LIPK: variants seen among roughly 807,000 people sequenced by gnomAD.
The protein encoded by LIPK is lipase member K.
A neutral mutation model predicts 48.6 loss-of-function variants in LIPK; 32 were observed. That is an observed-to-expected ratio of 0.66 (90% CI 0.50 to 0.88). The LOEUF is 0.88. Ranked by LOEUF, LIPK falls within the 40% of genes least tolerant of loss-of-function variation. The pLI is 0.00. For missense variants in LIPK, 507 were observed against 478.5 expected (o/e 1.06, Z -0.56); for synonymous variants, 164 against 157.4 (o/e 1.04, Z -0.32).
intron 5 of LIPK, 55 bp downstream of exon 5, chr10:88,732,342 C>T: frequency 6.3e-7 from 1 of 1,589,448 alleles, no homozygotes; most frequent in Non-Finnish European, 8.6e-7. Context: ...TTCCATATGG[C>T]TACATTTACT....
At chr10:88,723,787 A>G (rs750882808) in intron 1 of LIPK, among the ~76,000 whole-genome samples, 3 of 151,542 alleles carry the variant, frequency 2.0e-5, no homozygotes, top group Admixed American at 6.6e-5. Flanking sequence ...TTTTTTTTCT[A>G]TTATGGTTTG....
intron 8 of LIPK, among the ~76,000 whole-genome samples, chr10:88,742,754 C>CT (rs570900562): frequency 3.2e-4 from 38 of 119,238 alleles, no homozygotes; most frequent in Admixed American, 1.4e-3. Context: ...GTGAATATTT[C>CT]TTTTAATAGT....
At position 88,730,878 on chromosome 10, in the gene LIPK, T is replaced by C; in HGVS notation, c.224-105T>C. On this transcript the variant is annotated intron_variant, in intron 3 of 9. Transcript: ENST00000404190. ...CCCAGGTTTGCCTGGCATCAAATTT[T>C]ATCTCTTAACCTTTCTTTTATACTA... The C allele has an allele frequency of 3.7e-6, 4 of 1,067,042 alleles. No individual in the cohort carries two copies. The South Asian group carries it at 6.8e-5, about 18-fold the overall frequency. 66.1% of individuals were successfully genotyped at this position (1,067,042 alleles called of 1,614,324 possible).
intron 3 of LIPK, among the ~76,000 whole-genome samples, chr10:88,730,397 T>C (rs1467163898): frequency 6.6e-6 from 1 of 152,006 alleles, no homozygotes; most frequent in Non-Finnish European, 1.5e-5. Context: ...TCACGCCATT[T>C]TCCTGCCTCA....
chr10:88,725,264 T>C (rs1590139680), intron 2 of LIPK, among the ~76,000 whole-genome samples: 1 of 152,332 alleles, frequency 6.6e-6, no homozygotes, highest in African/African-American at 2.4e-5. Flanking sequence ...TTAGTATCTC[T>C]TCTTGTTCCT....
At chr10:88,728,116 T>C in intron 3 of LIPK, 1 of 268,670 alleles carries the variant, frequency 3.7e-6, no homozygotes. Context: ...AAGAAGGATG[T>C]GGTTAAAGCT....
chr10:88,711,075 G>A (rs1842017891), intron 1 of LIPK, among the ~76,000 whole-genome samples: 1 of 152,050 alleles, frequency 6.6e-6, no homozygotes, highest in South Asian at 2.1e-4. Context: ...CTTTTCTTGT[G>A]TTTATTGACC....
At chr10:88,749,388 CA>C (rs1842825438) in intron 9 of LIPK, among the ~76,000 whole-genome samples, 1 of 152,192 alleles carries the variant, frequency 6.6e-6, no homozygotes, top group Admixed American at 6.5e-5. Context: ...GTAACCAAAA[CA>C]GCATGGTATT....
intron 7 of LIPK, among the ~76,000 whole-genome samples, chr10:88,738,788 G>T (rs1319801433): frequency 1.3e-5 from 2 of 152,134 alleles, no homozygotes; most frequent in Non-Finnish European, 2.9e-5. Flanking sequence ...GACACCTTTT[G>T]TCAGATCACC....
chr10:88,724,429 T>G (rs1391297309), intron 1 of LIPK, 104 bp from the exon 2 acceptor site: 2 of 685,400 alleles, frequency 2.9e-6, no homozygotes, highest in African/African-American at 3.7e-5. Context: ...AGCCTAGAAG[T>G]ATGTTTCTGC....
intron 9 of LIPK, among the ~76,000 whole-genome samples, chr10:88,750,649 G>A (rs1359844360): frequency 1.3e-5 from 2 of 152,126 alleles, no homozygotes; most frequent in African/African-American, 4.8e-5. Context: ...GGGCCTACTT[G>A]AGGGTGGAGG....
chr10:88,725,414 G>A (rs1291353889), intron 2 of LIPK, among the ~76,000 whole-genome samples: 1 of 152,118 alleles, frequency 6.6e-6, no homozygotes, highest in Non-Finnish European at 1.5e-5. Context: ...AAGCATTTAT[G>A]TTAGGCATTA....
At chr10:88,717,817 A>G (rs1842148052) in intron 1 of LIPK, among the ~76,000 whole-genome samples, 2 of 152,108 alleles carry the variant, frequency 1.3e-5, no homozygotes, top group African/African-American at 4.8e-5. Flanking sequence ...TTGCTCAAAC[A>G]TAGCTTATTA....
intron 3 of LIPK, chr10:88,728,156 G>A (rs1038352299): frequency 9.7e-6 from 2 of 205,600 alleles, no homozygotes; most frequent in Admixed American, 5.6e-5. Flanking sequence ...AAGTAGTCTC[G>A]CCTAAAAGGG....
chr10:88,749,277 C>G (rs1842823908), intron 9 of LIPK, among the ~76,000 whole-genome samples: 1 of 152,118 alleles, frequency 6.6e-6, no homozygotes, highest in Admixed American at 6.6e-5. Flanking sequence ...TTTTAAAATT[C>G]ATATGAAACC....
intron 1 of LIPK, among the ~76,000 whole-genome samples, chr10:88,722,022 G>T (rs1304478589): frequency 1.3e-5 from 2 of 152,214 alleles, no homozygotes; most frequent in African/African-American, 4.8e-5. Context: ...ACATGGCCAG[G>T]TGCGGTGGCT....
chr10:88,735,884 T>G (rs1416180945), intron 6 of LIPK, among the ~76,000 whole-genome samples: 1 of 152,210 alleles, frequency 6.6e-6, no homozygotes, highest in Non-Finnish European at 1.5e-5. Context: ...TTATTCACCT[T>G]TGAGTAAATG....
rs749687565 is a variant in LIPK, at chr10:88,732,528, A to G, written c.646A>G (p.Thr216Ala). 9 of 1,611,036 alleles carry G rather than the reference A, an allele frequency of 5.6e-6. No individual in the cohort carries two copies. Among genetic ancestry groups the G allele is most frequent in the Non-Finnish European group, 6.8e-6 (8 of 1,179,192 alleles). ...YTQSPMKKLT[T>A]LSRRVVKVLF... The stretch of plus-strand genomic sequence containing the variant: ...CCAAAGTCCTATGAAAAAACTAACA[A>G]CCCTTTCCAGGCGAGTAGTTAAGGT... The change falls in exon 6 of 10, where the codon ACC becomes GCC. Residue 216 changes from threonine (T) to alanine (A), a missense_variant. Coordinates refer to ENST00000404190, the MANE Select transcript of LIPK (RefSeq NM_001080518.2).
chr10:88,723,651 C>G (rs1330815120), intron 1 of LIPK, among the ~76,000 whole-genome samples: 1 of 151,798 alleles, frequency 6.6e-6, no homozygotes, highest in East Asian at 1.9e-4. Flanking sequence ...AATGTTTTTC[C>G]TATGATAAAG....
Sources: allele counts gnomAD v4.1 joint callset (sites outside exome capture counted in the v4.1 genomes callset), GRCh38; gene constraint gnomAD v4.1.1; transcripts MANE v1.5; gene names NCBI Gene and HGNC (gene_info 2026-07-23, HGNC 2026-07-21).